The following GRIK4 variants were observed in gnomAD, a reference collection of about 807,000 sequenced individuals.
The protein encoded by GRIK4 is glutamate ionotropic receptor kainate type subunit 4.
A neutral mutation model predicts 104.9 loss-of-function variants in GRIK4; 40 were observed. That is an observed-to-expected ratio of 0.38 (90% CI 0.30 to 0.50). The LOEUF (loss-of-function observed/expected upper bound fraction) is 0.50. Among genes scored for constraint, GRIK4 ranks in the 20% least tolerant of loss-of-function variants. The pLI, the probability that GRIK4 is intolerant of heterozygous loss-of-function variation, is 0.93. For synonymous variants in GRIK4, 485 were observed against 524.9 expected, an observed-to-expected ratio of 0.92 and a Z score of 1.04; for missense variants, 1,047 against 1,308.1, an observed-to-expected ratio of 0.80 and a Z score of 3.08.
intron 1 of GRIK4, among the ~76,000 whole-genome samples, chr11:120,587,821 C>T (rs11603668): frequency 0.018 from 2,770 of 152,278 alleles, 44 homozygotes; most frequent in Non-Finnish European, 0.028. Flanking sequence ...GGCACAGGCA[C>T]CAGAAGGCTA....
chr11:120,512,443 C>A (rs1247021741), intron 1 of GRIK4, among the ~76,000 whole-genome samples: 3 of 152,002 alleles, frequency 2.0e-5, no homozygotes, highest in Non-Finnish European at 1.5e-5. Flanking sequence ...CTCGACTGCC[C>A]CCTGCCCCTG....
At chr11:120,769,931 A>G (rs1951909260) in intron 3 of GRIK4, among the ~76,000 whole-genome samples, 1 of 152,226 alleles carries the variant, frequency 6.6e-6, no homozygotes, top group African/African-American at 2.4e-5. Context: ...GGGAACTGCC[A>G]TGACTCCCTC....
chr11:120,583,054 G>T (rs957532200), intron 1 of GRIK4, among the ~76,000 whole-genome samples: 6 of 152,156 alleles, frequency 3.9e-5, no homozygotes, highest in Non-Finnish European at 5.9e-5. Context: ...ATTCAGACTG[G>T]TGTGAGATGA....
At chr11:120,725,245 C>T (rs1951008639) in intron 3 of GRIK4, among the ~76,000 whole-genome samples, 1 of 152,114 alleles carries the variant, frequency 6.6e-6, no homozygotes, top group African/African-American at 2.4e-5. Context: ...ATAGACAGGG[C>T]CCATGTCCTG....
chr11:120,785,446 A>G (rs1952247570), intron 3 of GRIK4, among the ~76,000 whole-genome samples: 1 of 152,358 alleles, frequency 6.6e-6, no homozygotes, highest in Non-Finnish European at 1.5e-5. Context: ...CAGAGACCTT[A>G]CAAAGTGGCC....
At chr11:120,618,481 A>C (rs983255857) in intron 1 of GRIK4, among the ~76,000 whole-genome samples, 5 of 152,254 alleles carry the variant, frequency 3.3e-5, no homozygotes, top group African/African-American at 1.2e-4. Context: ...ACAAATTTGC[A>C]TAAGTAAAAA....
intron 13 of GRIK4, among the ~76,000 whole-genome samples, chr11:120,906,386 T>G (rs1433517179): frequency 6.6e-6 from 1 of 152,208 alleles, no homozygotes; most frequent in Non-Finnish European, 1.5e-5. Flanking sequence ...CCTCCCAGCA[T>G]GTGCTGATGT....
chr11:120,887,225 C>T (rs147899216), intron 11 of GRIK4, among the ~76,000 whole-genome samples: 1 of 152,180 alleles, frequency 6.6e-6, no homozygotes, highest in Non-Finnish European at 1.5e-5. Flanking sequence ...GAGGAGCCTT[C>T]CTTGTATCCC....
intron 15 of GRIK4, among the ~76,000 whole-genome samples, chr11:120,954,786 C>CAA (rs1944097715): frequency 1.5e-4 from 2 of 13,020 alleles, no homozygotes; most frequent in African/African-American, 5.0e-4. Flanking sequence ...TCTCACTACA[C>CAA]ACACACACAC....
intron 1 of GRIK4, chr11:120,514,931 G>A: frequency 2.2e-6 from 1 of 455,928 alleles, no homozygotes; most frequent in South Asian, 1.6e-5. Context: ...CTTCCTTGTT[G>A]GGCCTCCAGC....
At chr11:120,970,347 T>G (rs1340611075) in intron 19 of GRIK4, among the ~76,000 whole-genome samples, 1 of 152,142 alleles carries the variant, frequency 6.6e-6, no homozygotes, top group Admixed American at 6.6e-5. Context: ...CATTGACCCA[T>G]CAGGTCCAGG....
intron 3 of GRIK4, among the ~76,000 whole-genome samples, chr11:120,666,093 T>A (rs1949910020): frequency 6.6e-6 from 1 of 152,194 alleles, no homozygotes. Context: ...GTGAATGCCC[T>A]TTTGGTGGTG....
chr11:120,855,523 A>C (rs910444161), intron 8 of GRIK4, among the ~76,000 whole-genome samples: 6 of 151,606 alleles, frequency 4.0e-5, no homozygotes, highest in Non-Finnish European at 7.4e-5. Context: ...CTTCTCTCTC[A>C]ACACAAATAG....
chr11:120,738,461 C>T (rs1193457705), intron 3 of GRIK4, among the ~76,000 whole-genome samples: 1 of 152,238 alleles, frequency 6.6e-6, no homozygotes, highest in Non-Finnish European at 1.5e-5. Context: ...ACAAGTCAGA[C>T]TCAGCCCCAA....
At chr11:120,760,441 A>ATG (rs1951728866) in intron 3 of GRIK4, among the ~76,000 whole-genome samples, 3 of 148,448 alleles carry the variant, frequency 2.0e-5, no homozygotes, top group Admixed American at 6.8e-5. Context: ...ATACATATAT[A>ATG]TATATACTTT....
chr11:120,625,545 G>A (rs1355332830), intron 1 of GRIK4, among the ~76,000 whole-genome samples: 1 of 152,104 alleles, frequency 6.6e-6, no homozygotes, highest in Non-Finnish European at 1.5e-5. Flanking sequence ...CTGAGATGCT[G>A]ATTAGTCAGC....
chr11:120,627,338 G>A (rs546625300), intron 1 of GRIK4, among the ~76,000 whole-genome samples: 1 of 152,234 alleles, frequency 6.6e-6, no homozygotes, highest in African/African-American at 2.4e-5. Context: ...AAGCCACACA[G>A]CGCAGTGCAA....
chr11:120,917,889 A>G (rs184132180), intron 13 of GRIK4, among the ~76,000 whole-genome samples: 2 of 152,342 alleles, frequency 1.3e-5, no homozygotes, highest in East Asian at 1.9e-4. Context: ...AGGGTCTGCA[A>G]AGGAAATGAA....
chr11:120,709,253 C>G (rs573438744), intron 3 of GRIK4, among the ~76,000 whole-genome samples: 6 of 151,876 alleles, frequency 4.0e-5, no homozygotes, highest in Non-Finnish European at 7.4e-5. Context: ...CTACCCTCAT[C>G]TAGAATGCTC....
Sources: allele counts gnomAD v4.1 joint callset (sites outside exome capture counted in the v4.1 genomes callset), GRCh38; gene constraint gnomAD v4.1.1; transcripts MANE v1.5; gene names NCBI Gene and HGNC (gene_info 2026-07-23, HGNC 2026-07-21).